The following EML6 variants were observed in gnomAD, a reference collection of about 807,000 sequenced individuals.
The protein encoded by EML6 is EMAP like 6.
Under a neutral mutation model 240.1 loss-of-function variants are expected in EML6, and 154 were observed. The observed-to-expected ratio is 0.64, with a 90% confidence interval of 0.56 to 0.73. The LOEUF is 0.73. Ranked by LOEUF, EML6 falls within the 30% of genes least tolerant of loss-of-function variation. EML6 has a pLI of 0.00. For missense variants in EML6, 2,964 were observed against 2,474.6 expected (o/e 1.20, Z -4.20); for synonymous variants, 1,148 against 899.0 (o/e 1.28, Z -4.95).
At chr2:54,734,768 A>G (rs1406160776) in intron 2 of EML6, among the ~76,000 whole-genome samples, 1 of 152,262 alleles carries the variant, frequency 6.6e-6, no homozygotes, top group African/African-American at 2.4e-5. Context: ...GCAACGAGTG[A>G]AAAGGTTTCA....
intron 26 of EML6, among the ~76,000 whole-genome samples, chr2:54,925,459 C>G (rs574895566): frequency 1.3e-5 from 2 of 152,180 alleles, no homozygotes; most frequent in Non-Finnish European, 2.9e-5. Flanking sequence ...GATCTTATTA[C>G]CACCACAGAG....
chr2:54,738,210 T>TA (rs1683481296), intron 2 of EML6, among the ~76,000 whole-genome samples: 1 of 152,214 alleles, frequency 6.6e-6, no homozygotes, highest in Non-Finnish European at 1.5e-5. Context: ...CCTACAGTTC[T>TA]CATAATGGAG....
At chr2:54,730,268 C>G (rs1293856963) in intron 2 of EML6, among the ~76,000 whole-genome samples, 1 of 152,108 alleles carries the variant, frequency 6.6e-6, no homozygotes, top group Admixed American at 6.5e-5. Context: ...TGACATGGCT[C>G]AAATAATCTA....
At chr2:54,915,286 T>A (rs1673853119) in intron 25 of EML6, among the ~76,000 whole-genome samples, 1 of 152,090 alleles carries the variant, frequency 6.6e-6, no homozygotes, top group Non-Finnish European at 1.5e-5. Context: ...CAATACCAGC[T>A]CCCTTTCCTT....
chr2:54,957,453 G>T (rs1418311290), intron 32 of EML6, among the ~76,000 whole-genome samples: 1 of 151,602 alleles, frequency 6.6e-6, no homozygotes, highest in East Asian at 1.9e-4. Flanking sequence ...CTGTGGTGAT[G>T]CTGGGGACTT....
At chr2:54,924,913 A>G (rs1018236368) in intron 26 of EML6, among the ~76,000 whole-genome samples, 1 of 151,880 alleles carries the variant, frequency 6.6e-6, no homozygotes, top group Non-Finnish European at 1.5e-5. Context: ...CTTCCCAAAT[A>G]CATGAATCTC....
At chr2:54,842,154 A>G (rs1373743033) in intron 7 of EML6, among the ~76,000 whole-genome samples, 1 of 152,112 alleles carries the variant, frequency 6.6e-6, no homozygotes, top group Non-Finnish European at 1.5e-5. Flanking sequence ...CAAATGTGTA[A>G]TGACATGTCT....
chr2:54,857,261 A>G (rs1558619604), intron 11 of EML6, among the ~76,000 whole-genome samples: 1 of 152,164 alleles, frequency 6.6e-6, no homozygotes, highest in Non-Finnish European at 1.5e-5. Context: ...GGAGATGTGC[A>G]CTTGGCAGTC....
intron 4 of EML6, among the ~76,000 whole-genome samples, chr2:54,819,440 T>C (rs1668224881): frequency 6.6e-6 from 1 of 152,128 alleles, no homozygotes; most frequent in Non-Finnish European, 1.5e-5. Context: ...GTCTCTGGAT[T>C]GGAAATAGAA....
chr2:54,797,626 A>T (rs1359412980), intron 2 of EML6, among the ~76,000 whole-genome samples: 3 of 19,060 alleles, frequency 1.6e-4, no homozygotes, highest in African/African-American at 8.9e-4. Flanking sequence ...TCTTTATTGT[A>T]AAAAAAAAAA....
intron 2 of EML6, among the ~76,000 whole-genome samples, chr2:54,767,632 ATGTG>A (rs370491221): frequency 2.3e-5 from 3 of 131,010 alleles, no homozygotes; most frequent in East Asian, 4.2e-4. Flanking sequence ...GTGTGTGTGT[ATGTG>A]TGTGTGTGTA....
rs1034289685 is a variant in EML6, at chr2:54,916,660, T to C, written c.3499-99T>C. 16 of 960,882 alleles carry C rather than the reference T, an allele frequency of 1.7e-5. No individual in the cohort carries two copies. The African/African-American group carries it at 2.1e-4, about 13-fold the overall frequency. 59.5% of individuals were successfully genotyped at this position (960,882 alleles called of 1,614,324 possible). A position where few individuals can be genotyped will look rare whatever the true frequency, so the allele number is the denominator to read the frequency against. Reference sequence around the variant, plus strand: ...CAGCACTCAACACAAATGCCTAACGTTGGCAAAGTAATTTAGAATTACTCA... The same window carrying C: ...CAGCACTCAACACAAATGCCTAACGCTGGCAAAGTAATTTAGAATTACTCA... On this transcript the variant is annotated intron_variant, in intron 25 of 41. Transcript: ENST00000356458.
At chr2:54,836,547 G>A (rs1379746458) in intron 7 of EML6, among the ~76,000 whole-genome samples, 1 of 152,112 alleles carries the variant, frequency 6.6e-6, no homozygotes, top group Non-Finnish European at 1.5e-5. Context: ...CCAGCCCTGC[G>A]ACTCTCCCAG....
At chr2:54,788,703 T>A (rs1407505427) in intron 2 of EML6, among the ~76,000 whole-genome samples, 1 of 152,252 alleles carries the variant, frequency 6.6e-6, no homozygotes, top group Non-Finnish European at 1.5e-5. Context: ...TATTGGAAAT[T>A]CCTGTTGTTT....
At chr2:54,937,209 T>G (rs1312827878) in intron 28 of EML6, among the ~76,000 whole-genome samples, 8 of 146,140 alleles carry the variant, frequency 5.5e-5, no homozygotes, top group Admixed American at 2.1e-4. Context: ...ACCCGGGAGG[T>G]GGAGGTTGTG....
chr2:54,936,404 C>T (rs1675136128), intron 28 of EML6, among the ~76,000 whole-genome samples: 4 of 152,170 alleles, frequency 2.6e-5, no homozygotes. Flanking sequence ...TGGATGTCCT[C>T]ATTTCTTCCT....
At position 54,840,005 on chromosome 2, in the gene EML6, C is replaced by A. The variant is rs569854701; in HGVS notation, c.848-4042C>A. 1.9e-4 allele frequency among the ~76,000 whole-genome samples: 29 copies of A among 152,242 alleles called. 1 individual carries two copies. The highest frequency in any genetic ancestry group is 6.7e-4 in the African/African-American group (28 of 41,524). On this transcript the variant is annotated intron_variant, in intron 7 of 41. Transcript: ENST00000356458. ...TTCCCCCAAATAAGGTTAAAAATAG[C>A]AGGACAATAAATACAGTAAAAAAGT...
At chr2:54,854,273 T>A (rs1330108057) in intron 11 of EML6, among the ~76,000 whole-genome samples, 14 of 152,228 alleles carry the variant, frequency 9.2e-5, no homozygotes, top group African/African-American at 3.4e-4. Flanking sequence ...ATCATGGTTG[T>A]GGTGATAATA....
In EML6 at chr2:54,869,307, C is replaced by T. The variant is rs879236010; in HGVS notation, c.2178C>T (p.His726=). 35 of 1,551,486 alleles carry T rather than the reference C, an allele frequency of 2.3e-5. 1 individual carries two copies. The highest frequency in any genetic ancestry group is 3.9e-5 in the Admixed American group (2 of 50,966). ...ACTCCCAGAGGCTGTACCTGGGGCACGATGACGACATTCTCAGCCTGACCA... is the reference window on the plus strand; with the variant it reads ...ACTCCCAGAGGCTGTACCTGGGGCATGATGACGACATTCTCAGCCTGACCA... ...QQHSQRLYLG[H]DDDILSLTIH... is the part of the protein sequence containing the mutation. The change falls in exon 15 of 42, where the codon CAC becomes CAT. Residue 726 remains histidine, a synonymous_variant. Coordinates refer to ENST00000356458, the MANE Select transcript of EML6 (RefSeq NM_001039753.4).
Sources: allele counts gnomAD v4.1 joint callset (sites outside exome capture counted in the v4.1 genomes callset), GRCh38; gene constraint gnomAD v4.1.1; transcripts MANE v1.5; gene names NCBI Gene and HGNC (gene_info 2026-07-23, HGNC 2026-07-21).